Variants in ADCY3 observed in about 807,000 individuals in gnomAD.
The protein encoded by ADCY3 is adenylate cyclase type 3.
ADCY3 carries 70 observed loss-of-function variants against 119.4 expected under a neutral mutation model. The ratio of observed to expected loss-of-function variants is 0.59; its 90% CI spans 0.48 to 0.72. The LOEUF (loss-of-function observed/expected upper bound fraction) is 0.72. Among genes scored for constraint, ADCY3 ranks in the 30% least tolerant of loss-of-function variants. The pLI is 0.00. For synonymous variants in ADCY3, 672 were observed against 621.4 expected (o/e 1.08, Z -1.21); for missense variants, 1,238 against 1,541.6 (o/e 0.80, Z 3.30).
chr2:24,827,576 C>G lies in ADCY3; in HGVS notation c.2465G>C (p.Gly822Ala). 1 of 1,589,692 alleles carries G rather than the reference C, an allele frequency of 6.3e-7. No individual in the cohort carries two copies. The highest frequency in any genetic ancestry group is 8.6e-7 in the Non-Finnish European group (1 of 1,165,146). Residue 822 changes from glycine to alanine, a missense_variant, in exon 15 of 22, where the codon GGA (glycine) becomes GCA (alanine). Around this residue, in one of 7 missense-constraint regions of ADCY3, gnomAD observed 499 missense variants for 571.0 expected, o/e 0.87. Coordinates refer to ENST00000679454, the MANE Select transcript of ADCY3 (RefSeq NM_004036.5). ...LPMVALEQMQGFNPGLNGTDR... is the reference protein window; with the variant it reads ...LPMVALEQMQAFNPGLNGTDR... ...AGTGCCATTGAGCCCAGGGTTGAAT[C>G]CTTGCATCTGCTCTAAGGCCACCAT...
At chr2:24,831,033 C>T (rs1447510535) in intron 12 of ADCY3, among the ~76,000 whole-genome samples, 3 of 152,096 alleles carry the variant, frequency 2.0e-5, no homozygotes, top group Non-Finnish European at 4.4e-5. Flanking sequence ...CCTCGATGTG[C>T]CTGTTCAACA....
chr2:24,871,913 G>T (rs1465537401), intron 3 of ADCY3, among the ~76,000 whole-genome samples: 1 of 152,242 alleles, frequency 6.6e-6, no homozygotes, highest in East Asian at 1.9e-4. Context: ...CCGAGGCAGG[G>T]ACAGCGAGGC....
chr2:24,879,276 TC>T (rs536861850), intron 2 of ADCY3, among the ~76,000 whole-genome samples: 105 of 151,766 alleles, frequency 6.9e-4, no homozygotes, highest in African/African-American at 2.5e-3. Flanking sequence ...ATCGAGACCA[TC>T]CTGGCTAACA....
At position 24,819,685 on chromosome 2, in the gene ADCY3, A is replaced by G; in HGVS notation, c.*247T>C. The G allele has an allele frequency of 2.4e-6, 1 of 424,796 alleles. No homozygotes were observed. Among genetic ancestry groups the G allele is most frequent in the Non-Finnish European group, 4.2e-6 (1 of 238,922 alleles). The allele number at this position is 424,796 out of a possible 1,614,324, so 26.3% of individuals were successfully genotyped here. A position where few individuals can be genotyped will look rare whatever the true frequency, so the allele number is the denominator to read the frequency against. Reference sequence around the variant, plus strand: ...CAGGGGCAAGGACGGCAGGGATTGGAACGAGGGCTCTGGAAGGACTGTTCA... The same window carrying G: ...CAGGGGCAAGGACGGCAGGGATTGGGACGAGGGCTCTGGAAGGACTGTTCA... On this transcript the variant is annotated 3_prime_UTR_variant, in exon 22 of 22. Coordinates refer to ENST00000679454, the MANE Select transcript of ADCY3 (RefSeq NM_004036.5).
chr2:24,834,409 A>T lies in ADCY3; in HGVS notation c.1967+76T>A. 7.8e-7 allele frequency: 1 copy of T among 1,281,032 alleles called. No homozygotes were observed. The highest frequency in any genetic ancestry group is 1.1e-6 in the Non-Finnish European group (1 of 923,990). The allele number at this position is 1,281,032 out of a possible 1,614,324, so 79.4% of individuals were successfully genotyped here. A position where few individuals can be genotyped will look rare whatever the true frequency, so the allele number is the denominator to read the frequency against. ...GCTCCCCAATGTCAGGCTCCCGCTG[A>T]GACACCTGCCCCCGCCCCCCGCCCG... On this transcript the variant is annotated intron_variant, in intron 11 of 21. Transcript: ENST00000679454. This position sits in a 1 kb window ranked among gnomAD's most constrained non-coding sequence, Gnocchi z 4.2.
rs1678695119 is a variant in ADCY3 at position 24,899,717 on chromosome 2, C to G, written c.675+18596G>C. Among the ~76,000 whole-genome samples the G allele has an allele frequency of 6.6e-6, 1 of 151,902 alleles. No individual in the cohort carries two copies. Among genetic ancestry groups the G allele is most frequent in the South Asian group, 2.1e-4 (1 of 4,818 alleles). ...TAGAGGGGTGTGTAGAGCTTTGCTT[C>G]CCCGATTTGCATAAGCTTATATAAA... On this transcript the variant is annotated intron_variant, in intron 2 of 21. Coordinates refer to ENST00000679454, the MANE Select transcript of ADCY3 (RefSeq NM_004036.5). This position sits in a 1 kb window ranked among gnomAD's most constrained non-coding sequence, Gnocchi z 4.5.
chr2:24,868,448 G>A (rs1338561444), intron 3 of ADCY3, among the ~76,000 whole-genome samples: 2 of 150,952 alleles, frequency 1.3e-5, no homozygotes, highest in Admixed American at 6.6e-5. Context: ...CCGAGGTTTC[G>A]AGACCAGCCT....
At chr2:24,892,349 C>G (rs1677758301) in intron 2 of ADCY3, among the ~76,000 whole-genome samples, 2 of 151,252 alleles carry the variant, frequency 1.3e-5, no homozygotes, top group Non-Finnish European at 2.9e-5. Context: ...CCTGGGTTCA[C>G]GCCATTCTCC....
At chr2:24,884,927 T>G (rs1426810669) in intron 2 of ADCY3, among the ~76,000 whole-genome samples, 2 of 152,226 alleles carry the variant, frequency 1.3e-5, no homozygotes, top group Admixed American at 6.5e-5. Context: ...TGCTGCTTCA[T>G]GTCTCCTGCG....
At chr2:24,820,276 A>G in intron 21 of ADCY3, 162 bp from the exon 22 acceptor site, 2 of 1,224,714 alleles carry the variant, frequency 1.6e-6, no homozygotes, top group Non-Finnish European at 2.1e-6. Flanking sequence ...ACCCGTGGCG[A>G]GCAGCGGGTG....
chr2:24,841,185 A>C lies in ADCY3; in HGVS notation c.1196+74T>G. ...ACCCAGGGGCCATGGCCAGCGCGGAAGACCTGCTTCTCCCTGGGTCCAGGG... is the reference window on the plus strand; with the variant it reads ...ACCCAGGGGCCATGGCCAGCGCGGACGACCTGCTTCTCCCTGGGTCCAGGG... On this transcript the variant is annotated intron_variant, in intron 6 of 21. Coordinates refer to ENST00000679454, the MANE Select transcript of ADCY3 (RefSeq NM_004036.5). The surrounding 1 kb of genome is among the most constrained non-coding windows in gnomAD (Gnocchi z 5.8). The C allele has an allele frequency of 1.4e-6, 2 of 1,463,356 alleles. No individual in the cohort carries two copies. The highest frequency in any genetic ancestry group is 1.4e-5 in the African/African-American group (1 of 70,832). The allele number at this position is 1,463,356 out of a possible 1,614,324, so 90.6% of individuals were successfully genotyped here. A position where few individuals can be genotyped will look rare whatever the true frequency, so the allele number is the denominator to read the frequency against.
At chr2:24,911,628 A>T (rs12713422) in intron 2 of ADCY3, among the ~76,000 whole-genome samples, 4 of 134,374 alleles carry the variant, frequency 3.0e-5, no homozygotes, top group African/African-American at 7.7e-5. Flanking sequence ...CCAGCCTGGG[A>T]GACAGACTCA....
Position 24,823,375 on chromosome 2 carries a change from A to G in ADCY3, c.2737-20T>C. The G allele has an allele frequency of 6.2e-7, 1 of 1,608,642 alleles. No individual in the cohort carries two copies. Among genetic ancestry groups the G allele is most frequent in the Non-Finnish European group, 8.5e-7 (1 of 1,178,422 alleles). On this transcript the variant is annotated intron_variant, in intron 17 of 21. Transcript: ENST00000679454. ...CAGCTCCTAAAAAGAGGTGCGGACAACGTGCTCAAAGCATGTCCGACTGAC... is the reference window on the plus strand; with the variant it reads ...CAGCTCCTAAAAAGAGGTGCGGACAGCGTGCTCAAAGCATGTCCGACTGAC...
At chr2:24,917,825 T>C (rs1375182159) in intron 2 of ADCY3, among the ~76,000 whole-genome samples, 1 of 152,068 alleles carries the variant, frequency 6.6e-6, no homozygotes, top group African/African-American at 2.4e-5. Context: ...TAATGCGCTT[T>C]CCCCCACATC....
intron 3 of ADCY3, among the ~76,000 whole-genome samples, chr2:24,858,103 A>G (rs1040763470): frequency 2.0e-5 from 3 of 147,498 alleles, no homozygotes; most frequent in Non-Finnish European, 3.0e-5. Flanking sequence ...GGCTCAGGTG[A>G]TCCTCCCGCC....
At chr2:24,854,691 C>T (rs1672793450) in intron 3 of ADCY3, among the ~76,000 whole-genome samples, 1 of 152,058 alleles carries the variant, frequency 6.6e-6, no homozygotes, top group Admixed American at 6.5e-5. Flanking sequence ...GGGAGAGACA[C>T]AATGTACCAA....
rs749582917 is a variant in ADCY3, at chr2:24,918,615, A to G, written c.373T>C (p.Cys125Arg). Reference sequence around the variant, plus strand: ...CGGTCCGGGAGCAGCCCCTTTTTGCAGAGCACGAAGAGGATGATGTCCAAC... The same window carrying G: ...CGGTCCGGGAGCAGCCCCTTTTTGCGGAGCACGAAGAGGATGATGTCCAAC... Reference protein sequence around the residue: ...LVLDIILFVLCKKGLLPDRVT... With the variant: ...LVLDIILFVLRKKGLLPDRVT... The change falls in exon 2 of 22, where the codon TGC becomes CGC. Residue 125 changes from cysteine to arginine, a missense_variant. Physicochemically the swap from Cys to Arg is radical, Grantham distance 180 (BLOSUM62 -3). Coordinates refer to ENST00000679454, the MANE Select transcript of ADCY3 (RefSeq NM_004036.5). The surrounding 1 kb of genome is among the most constrained non-coding windows in gnomAD (Gnocchi z 5.4). 6.2e-7 allele frequency: 1 copy of G among 1,614,144 alleles called. No individual in the cohort carries two copies. Among genetic ancestry groups the G allele is most frequent in the South Asian group, 1.1e-5 (1 of 91,082 alleles).
chr2:24,914,316 G>A (rs1306605495), intron 2 of ADCY3, among the ~76,000 whole-genome samples: 1 of 152,144 alleles, frequency 6.6e-6, no homozygotes. Context: ...CTGGGCTCCC[G>A]TCCTGTTTCT....
intron 3 of ADCY3, among the ~76,000 whole-genome samples, chr2:24,851,882 G>A (rs377717055): frequency 7.9e-5 from 12 of 152,276 alleles, no homozygotes; most frequent in East Asian, 5.8e-4. Context: ...TGTCTCGCGC[G>A]TTGTTCCATT....
Sources: allele counts gnomAD v4.1 joint callset (sites outside exome capture counted in the v4.1 genomes callset), GRCh38; gene constraint gnomAD v4.1.1; regional missense constraint gnomAD v4.1.1; non-coding constraint Gnocchi (gnomAD v3.1); transcripts MANE v1.5; gene names NCBI Gene and HGNC (gene_info 2026-07-23, HGNC 2026-07-21).